RHOD: variants seen among roughly 807,000 people sequenced by gnomAD.
RHOD encodes rho-related GTP-binding protein RhoD.
A neutral mutation model predicts 16.7 loss-of-function variants in RHOD; 11 were observed. The observed-to-expected ratio is 0.66, with a 90% CI of 0.41 to 1.09. RHOD has a LOEUF of 1.09. Ranked by LOEUF, RHOD falls within the 50% of genes least tolerant of loss-of-function variation. The probability of loss-of-function intolerance (pLI) is 0.00; values close to 1 mark genes in which losing one functional copy is unlikely to be tolerated. For synonymous variants in RHOD, 124 were observed against 126.3 expected (o/e 0.98, Z 0.12); for missense variants, 271 against 291.7 (o/e 0.93, Z 0.52).
chr11:67,065,652 G>A (rs965599226), intron 1 of RHOD, among the ~76,000 whole-genome samples: 13 of 152,166 alleles, frequency 8.5e-5, no homozygotes, highest in African/African-American at 2.9e-4. Flanking sequence ...GTGAGCTATG[G>A]TGCCTGGCTG....
At chr11:67,070,772 T>G (rs1038723964) in intron 4 of RHOD, among the ~76,000 whole-genome samples, 1 of 151,990 alleles carries the variant, frequency 6.6e-6, no homozygotes, top group Non-Finnish European at 1.5e-5. Flanking sequence ...AACAAGGAAG[T>G]AGGCATATCA....
intron 1 of RHOD, among the ~76,000 whole-genome samples, chr11:67,061,270 T>A (rs1854883534): frequency 6.6e-6 from 1 of 151,796 alleles, no homozygotes; most frequent in South Asian, 2.1e-4. Context: ...GAGGCCAAGG[T>A]GTGCAGATCA....
intron 1 of RHOD, among the ~76,000 whole-genome samples, chr11:67,057,251 G>C (rs1854824406): frequency 6.6e-6 from 1 of 152,242 alleles, no homozygotes; most frequent in South Asian, 2.1e-4. Context: ...CCACCGGGGA[G>C]AGGTGTCACA....
chr11:67,059,752 G>T (rs1200629513), intron 1 of RHOD, among the ~76,000 whole-genome samples: 1 of 152,136 alleles, frequency 6.6e-6, no homozygotes, highest in Non-Finnish European at 1.5e-5. Context: ...CTTCTCCACA[G>T]CCCCCAGTGC....
intron 1 of RHOD, 53 bp downstream of exon 1, chr11:67,057,087 A>G: frequency 1.4e-6 from 2 of 1,381,584 alleles, no homozygotes; most frequent in African/African-American, 3.0e-5. Flanking sequence ...GCCCGGGTGT[A>G]CAGGTCCGTG....
rs547803876 is a variant in RHOD, at chr11:67,071,190, C to T, written c.466-245C>T. Among the ~76,000 whole-genome samples, 6 of 152,082 alleles carry T rather than the reference C, an allele frequency of 3.9e-5. No homozygotes were observed. In the East Asian group the frequency reaches 1.2e-3, roughly 29 times the overall value. ...TGGAGGAGCTGCAGTGAGCTGAGAT[C>T]GCACCACTGCACTCCAGCCTGGACG... On this transcript the variant is annotated intron_variant, in intron 4 of 4. Transcript: ENST00000308831.
At chr11:67,067,944 C>T (rs892900254) in intron 3 of RHOD, among the ~76,000 whole-genome samples, 14 of 152,234 alleles carry the variant, frequency 9.2e-5, no homozygotes, top group African/African-American at 2.9e-4. Context: ...GGACTACAGG[C>T]GCCCGCCACC....
At chr11:67,061,502 C>T (rs993090954) in intron 1 of RHOD, among the ~76,000 whole-genome samples, 3 of 151,874 alleles carry the variant, frequency 2.0e-5, no homozygotes, top group Non-Finnish European at 4.4e-5. Flanking sequence ...CGTGGTGGCA[C>T]ATGCCTGTAA....
chr11:67,056,874 C>T lies in RHOD; in HGVS notation c.-29C>T. On this transcript the variant is annotated 5_prime_UTR_variant, in exon 1 of 5. Coordinates refer to ENST00000308831, the MANE Select transcript of RHOD (RefSeq NM_014578.4). ...TCTGGGTCTCTGCGCCGCAGCCGCCCGCCCGCCCGCTCAGCGCCCGGCCCC... is the reference window on the plus strand; with the variant it reads ...TCTGGGTCTCTGCGCCGCAGCCGCCTGCCCGCCCGCTCAGCGCCCGGCCCC... 13 of 1,365,660 alleles carry T rather than the reference C, an allele frequency of 9.5e-6. No individual in the cohort carries two copies. The highest frequency in any genetic ancestry group is 1.2e-5 in the Non-Finnish European group (13 of 1,071,102). The allele number at this position is 1,365,660 out of a possible 1,614,324, so 84.6% of individuals were successfully genotyped here. A position where few individuals can be genotyped will look rare whatever the true frequency, so the allele number is the denominator to read the frequency against.
At chr11:67,068,535 G>C (rs1360788600) in intron 3 of RHOD, among the ~76,000 whole-genome samples, 1 of 152,118 alleles carries the variant, frequency 6.6e-6, no homozygotes, top group Non-Finnish European at 1.5e-5. Flanking sequence ...ATGGTGGCCG[G>C]GTGCGGTAGC....
At chr11:67,069,823 G>A (rs1200195239) in intron 3 of RHOD, among the ~76,000 whole-genome samples, 1 of 152,062 alleles carries the variant, frequency 6.6e-6, no homozygotes, top group East Asian at 1.9e-4. Context: ...CTCCCGAGCA[G>A]CTGGGATTAC....
Position 67,066,813 on chromosome 11 carries a change from C to A in RHOD, c.296C>A (p.Thr99Asn). ...ASVLLLCFDV[T>N]SPNSFDNIFN... Reference sequence around the variant, plus strand: ...GTCCTGCTGCTTTGCTTCGATGTCACCAGCCCGAACAGCTTTGACAACATC... The same window carrying A: ...GTCCTGCTGCTTTGCTTCGATGTCAACAGCCCGAACAGCTTTGACAACATC... Residue 99 changes from threonine (T) to asparagine (N), a missense_variant, in exon 3 of 5, where the codon ACC becomes AAC. Coordinates refer to ENST00000308831, the MANE Select transcript of RHOD (RefSeq NM_014578.4). 1 of 1,613,794 alleles carries A rather than the reference C, an allele frequency of 6.2e-7. No individual in the cohort carries two copies. The highest frequency in any genetic ancestry group is 8.5e-7 in the Non-Finnish European group (1 of 1,179,654).
In RHOD at chr11:67,065,953, C is replaced by G. The variant is rs755901422; in HGVS notation, c.190C>G (p.Pro64Ala). The change falls in exon 2 of 5, where the codon CCT (proline) becomes GCT (alanine). Residue 64 changes from proline (P) to alanine (A), a missense_variant. Transcript: ENST00000308831. Reference protein sequence around the residue: ...YMVNLQVKGKPVHLHIWDTAG... With the variant: ...YMVNLQVKGKAVHLHIWDTAG... ...GGTCAACCTGCAAGTGAAAGGCAAACCTGTGCACCTCCACATCTGGGACAC... is the reference window on the plus strand; with the variant it reads ...GGTCAACCTGCAAGTGAAAGGCAAAGCTGTGCACCTCCACATCTGGGACAC... The G allele has an allele frequency of 6.2e-7, 1 of 1,612,398 alleles. No individual in the cohort carries two copies. Among genetic ancestry groups the G allele is most frequent in the Non-Finnish European group, 8.5e-7 (1 of 1,179,100 alleles).
At chr11:67,058,409 C>T (rs186628100) in intron 1 of RHOD, among the ~76,000 whole-genome samples, 1 of 152,192 alleles carries the variant, frequency 6.6e-6, no homozygotes, top group Admixed American at 6.5e-5. Context: ...ATCATTTGAC[C>T]TGGTGATCCG....
chr11:67,069,870 T>G (rs1855004508), intron 3 of RHOD, among the ~76,000 whole-genome samples: 1 of 151,386 alleles, frequency 6.6e-6, no homozygotes, highest in Non-Finnish European at 1.5e-5. Context: ...ATTTTGTATT[T>G]TTACTAGAGA....
At chr11:67,071,301 T>C in intron 4 of RHOD, 134 bp from the exon 5 acceptor site, 1 of 671,960 alleles carries the variant, frequency 1.5e-6, no homozygotes. Flanking sequence ...TGAGGGCGCT[T>C]GGGCAAGCAG....
At chr11:67,070,637 T>G (rs1362410629) in intron 4 of RHOD, 78 bp downstream of exon 4, 5 of 1,565,372 alleles carry the variant, frequency 3.2e-6, no homozygotes, top group Non-Finnish European at 3.5e-6. Context: ...TGGCACCAGG[T>G]GTCCAGAACG....
chr11:67,071,770 G>A lies in RHOD; in HGVS notation c.*168G>A, dbSNP rs974495761. 3 of 683,114 alleles carry A rather than the reference G, an allele frequency of 4.4e-6. No individual in the cohort carries two copies. In the African/African-American group the frequency reaches 5.5e-5, roughly 13 times the overall value. The allele number at this position is 683,114 out of a possible 1,614,324, so 42.3% of individuals were successfully genotyped here. A position where few individuals can be genotyped will look rare whatever the true frequency, so the allele number is the denominator to read the frequency against. On this transcript the variant is annotated 3_prime_UTR_variant, in exon 5 of 5. Coordinates refer to ENST00000308831, the MANE Select transcript of RHOD (RefSeq NM_014578.4). ...CTGGGAGTCCTGGACTGAGAAAGGG[G>A]GTTCCTGGGCCCACCTGCTCTGTGT...
rs367865723 is a variant in RHOD at position 67,066,805 on chromosome 11, C to A, written c.288C>A (p.Phe96Leu). 1 of 1,613,888 alleles carries A rather than the reference C, an allele frequency of 6.2e-7. No individual in the cohort carries two copies. Residue 96 changes from phenylalanine (F) to leucine (L), a missense_variant, in exon 3 of 5, where the codon TTC becomes TTA. Phe to Leu is a conservative substitution (Grantham distance 22). Coordinates refer to ENST00000308831, the MANE Select transcript of RHOD (RefSeq NM_014578.4). ...YPDASVLLLC[F>L]DVTSPNSFDN... is the part of the protein sequence containing the mutation. ...ACGCCAGCGTCCTGCTGCTTTGCTT[C>A]GATGTCACCAGCCCGAACAGCTTTG...
Sources: allele counts gnomAD v4.1 joint callset (sites outside exome capture counted in the v4.1 genomes callset), GRCh38; gene constraint gnomAD v4.1.1; transcripts MANE v1.5; gene names NCBI Gene and HGNC (gene_info 2026-07-23, HGNC 2026-07-21).